Variants in PHF20L1 observed in about 807,000 individuals in gnomAD.
PHF20L1 encodes the protein PHD finger protein 20 like 1, also known as PHD finger protein 20-like protein 1.
In PHF20L1, 44 loss-of-function variants were observed where a neutral mutation model predicts 125.5. That is an observed-to-expected ratio of 0.35 (90% CI 0.28 to 0.45). The LOEUF (loss-of-function observed/expected upper bound fraction) is 0.45. Ranked by LOEUF, PHF20L1 falls within the 20% of genes least tolerant of loss-of-function variation. The probability of loss-of-function intolerance (pLI) is 1.00; values close to 1 mark genes in which losing one functional copy is unlikely to be tolerated. For synonymous variants in PHF20L1, 380 were observed against 403.1 expected, an observed-to-expected ratio of 0.94 and a Z score of 0.69; for missense variants, 1,012 against 1,217.2, an observed-to-expected ratio of 0.83 and a Z score of 2.51.
chr8:132,845,541 T>C (rs942151405), intron 20 of PHF20L1, among the ~76,000 whole-genome samples: 2 of 151,902 alleles, frequency 1.3e-5, no homozygotes, highest in Non-Finnish European at 2.9e-5. Flanking sequence ...ACATAATTCC[T>C]ATATATATAA....
At chr8:132,792,585 C>T (rs1191633709) in intron 2 of PHF20L1, among the ~76,000 whole-genome samples, 2 of 152,188 alleles carry the variant, frequency 1.3e-5, no homozygotes, top group African/African-American at 2.4e-5. Flanking sequence ...TTCTTTAAAG[C>T]GGCTTCTTAC....
intron 2 of PHF20L1, among the ~76,000 whole-genome samples, chr8:132,781,554 G>A (rs755767999): frequency 6.6e-6 from 1 of 151,870 alleles, no homozygotes; most frequent in Non-Finnish European, 1.5e-5. Flanking sequence ...TCAGCCTCCC[G>A]AGTAGCTGGG....
At chr8:132,801,617 T>A (rs1488514540) in intron 6 of PHF20L1, among the ~76,000 whole-genome samples, 1 of 151,670 alleles carries the variant, frequency 6.6e-6, no homozygotes, top group Admixed American at 6.6e-5. Context: ...CAGAGTAGAG[T>A]GACTATAGTT....
intron 6 of PHF20L1, among the ~76,000 whole-genome samples, chr8:132,801,552 G>T (rs970479212): frequency 4.0e-5 from 6 of 151,686 alleles, no homozygotes; most frequent in Admixed American, 1.3e-4. Context: ...TCACACTTCA[G>T]TTATTTTTAA....
At chr8:132,787,545 A>G (rs1018610991) in intron 2 of PHF20L1, among the ~76,000 whole-genome samples, 6 of 152,138 alleles carry the variant, frequency 3.9e-5, no homozygotes, top group African/African-American at 7.2e-5. Context: ...ATGAGCTATC[A>G]TCTGAATGGT....
intron 2 of PHF20L1, among the ~76,000 whole-genome samples, chr8:132,778,429 A>G (rs2131289213): frequency 6.6e-6 from 1 of 152,120 alleles, no homozygotes; most frequent in Non-Finnish European, 1.5e-5. Flanking sequence ...TTAACCTCCT[A>G]TTTTCCCTGG....
intron 15 of PHF20L1, among the ~76,000 whole-genome samples, chr8:132,835,532 G>A (rs1387234325): frequency 1.3e-5 from 2 of 152,094 alleles, no homozygotes; most frequent in South Asian, 2.1e-4. Context: ...GAGCAAAATG[G>A]TAGGCTTTGG....
intron 14 of PHF20L1, chr8:132,826,486 C>T (rs1295554849): frequency 6.6e-6 from 1 of 152,092 alleles, no homozygotes; most frequent in Non-Finnish European, 1.5e-5. Flanking sequence ...AAAAGTCATG[C>T]ATTCCTTCAG....
chr8:132,839,553 C>G lies in PHF20L1; in HGVS notation c.2358C>G (p.His786Gln), dbSNP rs199702503. Residue 786 changes from histidine (H) to glutamine (Q), a missense_variant, in exon 18 of 21, where the codon CAC (histidine) becomes CAG (glutamine). By Grantham distance (24) the His-to-Gln change is conservative. Transcript: ENST00000395386. ...TCTATGGTGTTACAGAAGTGCTACA[C>G]GGGCTACAGCTGAAGATTGGAATAC... ...ADVYGVTEVL[H>Q]GLQLKIGILK... 1 of 1,613,046 alleles carries G rather than the reference C, an allele frequency of 6.2e-7. No individual in the cohort carries two copies. Among genetic ancestry groups the G allele is most frequent in the Non-Finnish European group, 8.5e-7 (1 of 1,179,284 alleles).
chr8:132,817,518 G>C lies in PHF20L1; in HGVS notation c.1552G>C (p.Asp518His). The C allele has an allele frequency of 3.1e-6, 5 of 1,611,602 alleles. No individual in the cohort carries two copies. The South Asian group carries it at 4.4e-5, about 14-fold the overall frequency. Residue 518 changes from aspartate to histidine, a missense_variant, in exon 12 of 21, where the codon GAT becomes CAT. Physicochemically the swap from Asp to His is moderately conservative, Grantham distance 81. This residue lies in a region of PHF20L1 where 320 missense variants were observed against 293.8 expected (regional missense o/e 1.09). Coordinates refer to ENST00000395386, the MANE Select transcript of PHF20L1 (RefSeq NM_016018.5). ...AAATCCTTCTTCCAAAGCAATAGCTGATGGAAGAGGAGCTCCAGCAGCAGC... is the reference window on the plus strand; with the variant it reads ...AAATCCTTCTTCCAAAGCAATAGCTCATGGAAGAGGAGCTCCAGCAGCAGC... Reference protein sequence around the residue: ...LPNPSSKAIADGRGAPAAAGI... With the variant: ...LPNPSSKAIAHGRGAPAAAGI...
At chr8:132,779,061 A>C (rs1830139818) in intron 2 of PHF20L1, among the ~76,000 whole-genome samples, 1 of 152,186 alleles carries the variant, frequency 6.6e-6, no homozygotes, top group Non-Finnish European at 1.5e-5. Context: ...TCTCTCTTTT[A>C]ACATCTGGCG....
intron 6 of PHF20L1, among the ~76,000 whole-genome samples, chr8:132,801,269 T>C (rs948996541): frequency 2.0e-5 from 3 of 151,756 alleles, no homozygotes; most frequent in African/African-American, 4.8e-5. Flanking sequence ...CCTTTGCTAT[T>C]AATATTTACA....
At chr8:132,776,073 T>C (rs1426171538) in intron 1 of PHF20L1, among the ~76,000 whole-genome samples, 1 of 152,228 alleles carries the variant, frequency 6.6e-6, no homozygotes, top group Non-Finnish European at 1.5e-5. Context: ...CATTCTTTGC[T>C]CCTTTCCTTA....
chr8:132,835,420 A>G (rs1306404713), intron 15 of PHF20L1, among the ~76,000 whole-genome samples: 1 of 152,140 alleles, frequency 6.6e-6, no homozygotes, highest in Non-Finnish European at 1.5e-5. Context: ...TTCTCCATCC[A>G]AACTACTGCA....
At chr8:132,784,310 ATAAAT>A (rs759076074) in intron 2 of PHF20L1, among the ~76,000 whole-genome samples, 39 of 152,304 alleles carry the variant, frequency 2.6e-4, no homozygotes, top group East Asian at 9.6e-4. Flanking sequence ...ATTGGAAAAA[ATAAAT>A]TAAACTGGAA....
chr8:132,794,109 T>C (rs1452583673), intron 2 of PHF20L1, among the ~76,000 whole-genome samples: 2 of 152,176 alleles, frequency 1.3e-5, no homozygotes, highest in Middle Eastern at 6.3e-3. Context: ...ATTGGAATTG[T>C]TGGGTCAGAA....
chr8:132,784,944 A>T (rs1830847403), intron 2 of PHF20L1, among the ~76,000 whole-genome samples: 1 of 152,190 alleles, frequency 6.6e-6, no homozygotes, highest in South Asian at 2.1e-4. Flanking sequence ...TTTCAAGTTT[A>T]TCCATCCTAG....
At chr8:132,845,139 A>T (rs1838306037) in intron 20 of PHF20L1, among the ~76,000 whole-genome samples, 1 of 152,084 alleles carries the variant, frequency 6.6e-6, no homozygotes, top group South Asian at 2.1e-4. Flanking sequence ...AGAAAAGAAA[A>T]TGCATCTTGA....
At chr8:132,836,424 T>A in intron 15 of PHF20L1, 116 bp from the exon 16 acceptor site, 1 of 662,182 alleles carries the variant, frequency 1.5e-6, no homozygotes, top group Non-Finnish European at 2.6e-6. Flanking sequence ...ATTTGTTTGC[T>A]CCCCCTTTTT....
Sources: allele counts gnomAD v4.1 joint callset (sites outside exome capture counted in the v4.1 genomes callset), GRCh38; gene constraint gnomAD v4.1.1; regional missense constraint gnomAD v4.1.1; transcripts MANE v1.5; gene names NCBI Gene and HGNC (gene_info 2026-07-23, HGNC 2026-07-21).